The following CDK5RAP1 variants were observed in gnomAD, a reference collection of about 807,000 sequenced individuals.
CDK5RAP1 encodes mitochondrial tRNA methylthiotransferase CDK5RAP1.
A neutral mutation model predicts 64.5 loss-of-function variants in CDK5RAP1; 62 were observed. The ratio of observed to expected loss-of-function variants is 0.96; its 90% CI spans 0.78 to 1.19. CDK5RAP1 has a LOEUF of 1.19. Among genes scored for constraint, CDK5RAP1 ranks in the 50% most tolerant of loss-of-function variants. CDK5RAP1 has a pLI of 0.00. For synonymous variants in CDK5RAP1, 250 were observed against 261.9 expected (o/e 0.95, Z 0.44); for missense variants, 657 against 735.0 (o/e 0.89, Z 1.23).
At chr20:33,366,314 A>G (rs1219986333) in intron 12 of CDK5RAP1, among the ~76,000 whole-genome samples, 2 of 122,988 alleles carry the variant, frequency 1.6e-5, no homozygotes, top group Non-Finnish European at 3.4e-5. Flanking sequence ...GTGAGACTCC[A>G]TCTCAAAAAA....
intron 12 of CDK5RAP1, among the ~76,000 whole-genome samples, chr20:33,364,821 G>A (rs1051264193): frequency 3.3e-5 from 5 of 151,578 alleles, no homozygotes; most frequent in Non-Finnish European, 4.4e-5. Flanking sequence ...TGATCCACCC[G>A]CCTCGGCCTT....
chr20:33,395,943 G>A, intron 2 of CDK5RAP1, among the ~76,000 whole-genome samples: 1 of 152,154 alleles, frequency 6.6e-6, no homozygotes, highest in East Asian at 1.9e-4. Context: ...GAAGCCAGGA[G>A]GCAGAGGTTG....
At chr20:33,394,914 C>G in intron 3 of CDK5RAP1, 99 bp downstream of exon 3, 1 of 753,436 alleles carries the variant, frequency 1.3e-6, no homozygotes, top group Non-Finnish European at 2.4e-6. Flanking sequence ...CTCTCTCTCA[C>G]CAGGGGGCAC....
At chr20:33,392,105 G>T in intron 5 of CDK5RAP1, 37 bp downstream of exon 5, 1 of 1,340,466 alleles carries the variant, frequency 7.5e-7, no homozygotes, top group Non-Finnish European at 1.1e-6. Flanking sequence ...TAAAGTCCAA[G>T]TTTCAAAGCT....
rs908252742 is a variant in CDK5RAP1, at chr20:33,396,753, A to G, written c.304+8T>C. The G allele has an allele frequency of 6.2e-7, 1 of 1,608,860 alleles. No individual in the cohort carries two copies. Among genetic ancestry groups the G allele is most frequent in the African/African-American group, 1.3e-5 (1 of 74,864 alleles). On this transcript the variant is annotated splice_region_variant and intron_variant, in intron 2 of 13. Transcript: ENST00000346416. ...GAAGCCCAAAGGGATAAGCGAAGTA[A>G]AACCAACCTTTTCTCTGCCTTCCAA... is the stretch of plus-strand genomic sequence containing the variant.
At chr20:33,387,691 A>G (rs1987630655) in intron 5 of CDK5RAP1, among the ~76,000 whole-genome samples, 158 bp from the exon 6 acceptor site, 1 of 152,136 alleles carries the variant, frequency 6.6e-6, no homozygotes, top group Non-Finnish European at 1.5e-5. Context: ...CAACACTCCC[A>G]TCGCACTGGA....
At chr20:33,381,825 CTATT>C (rs1934248798) in intron 7 of CDK5RAP1, among the ~76,000 whole-genome samples, 1 of 152,060 alleles carries the variant, frequency 6.6e-6, no homozygotes, top group East Asian at 1.9e-4. Context: ...TCCATAAAGG[CTATT>C]TATTTGTGTA....
chr20:33,372,746 A>ATAGCATTCATTT, intron 9 of CDK5RAP1, 49 bp from the exon 10 acceptor site: 2 of 1,173,652 alleles, frequency 1.7e-6, no homozygotes, highest in Non-Finnish European at 2.5e-6. Flanking sequence ...CAACCTTTTT[A>ATAGCATTCATTT]AATGAATGCT....
At chr20:33,392,024 T>C (rs1988376896) in intron 5 of CDK5RAP1, 118 bp downstream of exon 5, 1 of 672,242 alleles carries the variant, frequency 1.5e-6, no homozygotes, top group Non-Finnish European at 2.7e-6. Flanking sequence ...AAGAATTGCA[T>C]GGGATATATA....
intron 8 of CDK5RAP1, among the ~76,000 whole-genome samples, chr20:33,376,000 G>A (rs2146636553): frequency 6.6e-6 from 1 of 152,266 alleles, no homozygotes; most frequent in Non-Finnish European, 1.5e-5. Flanking sequence ...TACGACTACA[G>A]GCATGTGCCA....
chr20:33,379,067 A>G (rs1986404916), intron 8 of CDK5RAP1, among the ~76,000 whole-genome samples: 1 of 151,848 alleles, frequency 6.6e-6, no homozygotes, highest in African/African-American at 2.4e-5. Context: ...CTCCCACCTC[A>G]GTCTCCCAAG....
At chr20:33,376,324 G>A (rs951214719) in intron 8 of CDK5RAP1, among the ~76,000 whole-genome samples, 3 of 151,072 alleles carry the variant, frequency 2.0e-5, no homozygotes, top group Non-Finnish European at 4.4e-5. Context: ...ACTCAGTCTC[G>A]AAAAAAAATA....
intron 1 of CDK5RAP1, among the ~76,000 whole-genome samples, chr20:33,398,329 C>T (rs1989086724): frequency 6.6e-6 from 1 of 151,126 alleles, no homozygotes; most frequent in Non-Finnish European, 1.5e-5. Flanking sequence ...CTCATCTCTA[C>T]TAAAAATACA....
In CDK5RAP1 at chr20:33,401,485, G is replaced by C. The variant is rs1989415458; in HGVS notation, c.-78C>G. On this transcript the variant is annotated 5_prime_UTR_variant, in exon 1 of 14. It adds an upstream start codon to the 5' untranslated region. Coordinates refer to ENST00000346416, the MANE Select transcript of CDK5RAP1 (RefSeq NM_016408.4). ...CAGCGTAAGTTCTGCCGGCAAGTCG[G>C]ATCCCCTCACAGGTCCGCCGCTGCG... The C allele has an allele frequency of 1.0e-6, 1 of 985,460 alleles. No individual in the cohort carries two copies. Among genetic ancestry groups the C allele is most frequent in the African/African-American group, 1.7e-5 (1 of 57,384 alleles). 61.0% of individuals were successfully genotyped at this position (985,460 alleles called of 1,614,324 possible).
At chr20:33,373,136 T>C in intron 9 of CDK5RAP1, 1 of 158,682 alleles carries the variant, frequency 6.3e-6, no homozygotes, top group African/African-American at 2.7e-5. Context: ...AGACTGGGTT[T>C]CGCCATGTTG....
At chr20:33,381,293 TTAAAAACAAGGGCATTCTCCTATA>T (rs1253953424) in intron 7 of CDK5RAP1, among the ~76,000 whole-genome samples, 3 of 152,204 alleles carry the variant, frequency 2.0e-5, no homozygotes, top group Non-Finnish European at 4.4e-5. Flanking sequence ...TATATATTTC[TTAAAAACAAGGGCATTCTCCTATA>T]TAATTTCAGG....
At chr20:33,385,627 A>T in intron 7 of CDK5RAP1, 23 bp downstream of exon 7, 1 of 1,613,148 alleles carries the variant, frequency 6.2e-7, no homozygotes, top group Non-Finnish European at 8.5e-7. Flanking sequence ...GTTCACAGCA[A>T]GAAAGCCTGG....
chr20:33,370,218 G>A (rs1227184530), intron 11 of CDK5RAP1, among the ~76,000 whole-genome samples: 4 of 152,144 alleles, frequency 2.6e-5, no homozygotes, highest in Non-Finnish European at 5.9e-5. Context: ...TTCTCGTAAA[G>A]AAAAGGTTTT....
chr20:33,374,169 A>C lies in CDK5RAP1; in HGVS notation c.1151T>G (p.Ile384Ser). 6.2e-7 allele frequency: 1 copy of C among 1,613,974 alleles called. No individual in the cohort carries two copies. The highest frequency in any genetic ancestry group is 2.2e-5 in the East Asian group (1 of 44,882). Reference sequence around the variant, plus strand: ...GCTTCCACTCTGGGCTGGCAGGTGGATCTGTTTACAGATGTTATCTCTCTC... The same window carrying C: ...GCTTCCACTCTGGGCTGGCAGGTGGCTCTGTTTACAGATGTTATCTCTCTC... ...IHERDNICKQ[I>S]HLPAQSGSSR... The change falls in exon 9 of 14, where the codon ATC (isoleucine) becomes AGC (serine). Residue 384 changes from isoleucine (I) to serine (S), a missense_variant. Physicochemically the swap from Ile to Ser is moderately radical, Grantham distance 142. Transcript: ENST00000346416.
Sources: allele counts gnomAD v4.1 joint callset (sites outside exome capture counted in the v4.1 genomes callset), GRCh38; gene constraint gnomAD v4.1.1; transcripts MANE v1.5; gene names NCBI Gene and HGNC (gene_info 2026-07-23, HGNC 2026-07-21).